The following CHD6 variants were observed in gnomAD, a reference collection of about 807,000 sequenced individuals.
CHD6 encodes the protein chromodomain helicase DNA binding protein 6.
In CHD6, 50 loss-of-function variants were observed where a neutral mutation model predicts 276.9. That is an observed-to-expected ratio of 0.18 (90% CI 0.14 to 0.23). CHD6 has a LOEUF of 0.23. CHD6 is among the 10% of genes least tolerant of loss of function. The probability of loss-of-function intolerance (pLI) is 1.00; values close to 1 mark genes in which losing one functional copy is unlikely to be tolerated. For synonymous variants in CHD6, 1,173 were observed against 1,229.3 expected (o/e 0.95, Z 0.96); for missense variants, 2,564 against 3,365.8 (o/e 0.76, Z 5.89).
rs1178717785 is a variant in CHD6 at position 41,416,569 on chromosome 20, T to C, written c.6486+19A>G. ...CCACCATTCTTTGTTTTGTGGTCAC[T>C]CCATTCTTGCCGGCTCACCTTGTGG... On this transcript the variant is annotated intron_variant, in intron 33 of 36. Coordinates refer to ENST00000373233, the MANE Select transcript of CHD6 (RefSeq NM_032221.5). 4 of 1,602,054 alleles carry C rather than the reference T, an allele frequency of 2.5e-6. No individual in the cohort carries two copies. The African/African-American group carries it at 4.0e-5, about 16-fold the overall frequency.
intron 13 of CHD6, 24 bp from the exon 14 acceptor site, chr20:41,487,832 T>G (rs41278130): frequency 1.2e-6 from 2 of 1,603,816 alleles, no homozygotes; most frequent in Non-Finnish European, 1.7e-6. Context: ...ACATACATGA[T>G]GGACAGTGCT....
At chr20:41,493,785 C>T in intron 9 of CHD6, 73 bp downstream of exon 9, 2 of 1,567,784 alleles carry the variant, frequency 1.3e-6, no homozygotes, top group Non-Finnish European at 1.8e-6. Context: ...ACCACTAAGA[C>T]AAGGGTCACA....
rs151251513 is a variant in CHD6, at chr20:41,421,058, C to T, written c.5577G>A (p.Leu1859=). The change falls in exon 31 of 37, where the codon TTG becomes TTA. Residue 1859 remains leucine (L), a synonymous_variant. Coordinates refer to ENST00000373233, the MANE Select transcript of CHD6 (RefSeq NM_032221.5). The part of the protein sequence containing the change: ...ENKSLESKLI[L]SQNHSDEEEE... Reference sequence around the variant, plus strand: ...CCTCCTCATCACTGTGGTTCTGACTCAAAATCAATTTACTTTCTAAGCTTT... The same window carrying T: ...CCTCCTCATCACTGTGGTTCTGACTTAAAATCAATTTACTTTCTAAGCTTT... The T allele has an allele frequency of 6.6e-4, 1,065 of 1,613,812 alleles. 8 individuals are homozygous for T. In the Middle Eastern group the frequency reaches 0.012, roughly 18 times the overall value.
In CHD6 at chr20:41,497,520, A is replaced by G. The variant is rs2145892092; in HGVS notation, c.975-19T>C. ...GTAGGAACTATCCAAAGACATACAA[A>G]TTGTCAGGCAAGCACATAACTAGCA... On this transcript the variant is annotated intron_variant, in intron 7 of 36. Transcript: ENST00000373233. 1 of 1,531,988 alleles carries G rather than the reference A, an allele frequency of 6.5e-7. No individual in the cohort carries two copies. The allele number at this position is 1,531,988 out of a possible 1,614,324, so 94.9% of individuals were successfully genotyped here. A position where few individuals can be genotyped will look rare whatever the true frequency, so the allele number is the denominator to read the frequency against.
chr20:41,429,825 C>G (rs544840724), intron 27 of CHD6, among the ~76,000 whole-genome samples: 5 of 152,296 alleles, frequency 3.3e-5, no homozygotes, highest in South Asian at 2.1e-4. Context: ...TGAACTCCCC[C>G]CTGACAGCCC....
At chr20:41,440,554 A>C (rs1215379953) in intron 25 of CHD6, among the ~76,000 whole-genome samples, 1 of 152,192 alleles carries the variant, frequency 6.6e-6, no homozygotes, top group East Asian at 1.9e-4. Flanking sequence ...GGACTGAAAT[A>C]TAAAGAGAAC....
At chr20:41,608,059 T>C (rs1037414488) in intron 1 of CHD6, among the ~76,000 whole-genome samples, 1 of 152,146 alleles carries the variant, frequency 6.6e-6, no homozygotes, top group South Asian at 2.1e-4. Flanking sequence ...ACCTGGCACA[T>C]AGTAAGCACT....
chr20:41,434,158 G>T (rs568418281), intron 27 of CHD6, among the ~76,000 whole-genome samples: 3 of 152,166 alleles, frequency 2.0e-5, no homozygotes, highest in African/African-American at 7.2e-5. Context: ...TGATCTACCT[G>T]TATGCTATCT....
chr20:41,457,439 G>T lies in CHD6; in HGVS notation c.2665-11C>A, dbSNP rs763368919. ...ACATCGGGCCTGAGCCTGGGAAGAA[G>T]AAGAGTCATATGCATCACGTCACCG... On this transcript the variant is annotated splice_polypyrimidine_tract_variant and intron_variant, in intron 17 of 36. Transcript: ENST00000373233. 4.4e-6 allele frequency: 7 copies of T among 1,606,280 alleles called. No individual in the cohort carries two copies. The highest frequency in any genetic ancestry group is 6.0e-6 in the Non-Finnish European group (7 of 1,173,510).
chr20:41,588,812 C>T (rs1002936339), intron 1 of CHD6, among the ~76,000 whole-genome samples: 2 of 152,296 alleles, frequency 1.3e-5, no homozygotes, highest in Middle Eastern at 3.4e-3. Context: ...TCTCCCCTTT[C>T]TCCCCTTATA....
At chr20:41,444,301 CTATT>C (rs563738453) in intron 25 of CHD6, among the ~76,000 whole-genome samples, 1 of 152,270 alleles carries the variant, frequency 6.6e-6, no homozygotes, top group African/African-American at 2.4e-5. Context: ...CTACATGGGG[CTATT>C]TAAATTTAAA....
chr20:41,477,101 T>A lies in CHD6; in HGVS notation c.2469-3584A>T, dbSNP rs1047878689. Among the ~76,000 whole-genome samples the A allele has an allele frequency of 2.0e-5, 3 of 152,086 alleles. No homozygotes were observed. In the South Asian group the frequency reaches 6.2e-4, roughly 32 times the overall value. On this transcript the variant is annotated intron_variant, in intron 16 of 36. Coordinates refer to ENST00000373233, the MANE Select transcript of CHD6 (RefSeq NM_032221.5). ...AAAAGAAAGAAAAATCAGACAGGCA[T>A]GGTGGCCAATGTGCCTATCGTCCTA...
chr20:41,421,771 C>T lies in CHD6; in HGVS notation c.4864G>A (p.Gly1622Ser), dbSNP rs1483715036. 6.2e-7 allele frequency: 1 copy of T among 1,614,026 alleles called. No individual in the cohort carries two copies. The change falls in exon 31 of 37, where the codon GGC (glycine) becomes AGC (serine). Residue 1622 changes from glycine to serine, a missense_variant. Physicochemically the swap from Gly to Ser is moderately conservative, Grantham distance 56 (BLOSUM62 0). This residue lies in a region of CHD6 where 1,024 missense variants were observed against 1,047.9 expected (regional missense o/e 0.98). Transcript: ENST00000373233. ...CAGAGATTTCCTGGTGCCTGGGTGC[C>T]AGATCTTTTATGCTGGGCATAGTTT... ...YRNYAQHKRS[G>S]TQAPGNLCCL...
intron 27 of CHD6, among the ~76,000 whole-genome samples, chr20:41,431,511 T>A (rs1314369803): frequency 1.3e-5 from 2 of 152,190 alleles, no homozygotes; most frequent in African/African-American, 4.8e-5. Context: ...ACATTCTCTC[T>A]ATTACTCAAT....
intron 16 of CHD6, among the ~76,000 whole-genome samples, chr20:41,477,835 T>C (rs1387770271): frequency 2.0e-5 from 3 of 152,096 alleles, no homozygotes; most frequent in African/African-American, 7.2e-5. Context: ...GGGAAACTGG[T>C]GGAATATTTG....
intron 3 of CHD6, among the ~76,000 whole-genome samples, chr20:41,521,669 A>G (rs2044401358): frequency 1.3e-5 from 2 of 152,236 alleles, no homozygotes; most frequent in South Asian, 4.1e-4. Flanking sequence ...ATGCCCTATC[A>G]GCAATGAGTA....
intron 1 of CHD6, among the ~76,000 whole-genome samples, chr20:41,552,001 T>C (rs918989502): frequency 5.3e-5 from 8 of 152,184 alleles, no homozygotes; most frequent in African/African-American, 1.9e-4. Context: ...AACACTGAAC[T>C]TCTCATAAAT....
intron 3 of CHD6, among the ~76,000 whole-genome samples, chr20:41,518,813 T>C (rs2044314118): frequency 6.6e-6 from 1 of 152,206 alleles, no homozygotes; most frequent in Non-Finnish European, 1.5e-5. Context: ...CCATCTGAAT[T>C]CATCCTCTAA....
intron 3 of CHD6, among the ~76,000 whole-genome samples, chr20:41,519,930 A>G (rs992331105): frequency 6.6e-6 from 1 of 152,242 alleles, no homozygotes; most frequent in African/African-American, 2.4e-5. Flanking sequence ...CTCATCTGAC[A>G]AAGGGCTAAT....
Sources: allele counts gnomAD v4.1 joint callset (sites outside exome capture counted in the v4.1 genomes callset), GRCh38; gene constraint gnomAD v4.1.1; regional missense constraint gnomAD v4.1.1; transcripts MANE v1.5; gene names NCBI Gene and HGNC (gene_info 2026-07-23, HGNC 2026-07-21).